The following ATP2B2 variants were observed in gnomAD, a reference collection of about 807,000 sequenced individuals.
ATP2B2 encodes the protein ATPase plasma membrane Ca2+ transporting 2.
A neutral mutation model predicts 120.0 loss-of-function variants in ATP2B2; 15 were observed. The ratio of observed to expected loss-of-function variants is 0.12; its 90% CI spans 0.08 to 0.19. The LOEUF (loss-of-function observed/expected upper bound fraction) is 0.19. Ranked by LOEUF, ATP2B2 falls within the 10% of genes least tolerant of loss-of-function variation. The probability of loss-of-function intolerance (pLI) is 1.00; values close to 1 mark genes in which losing one functional copy is unlikely to be tolerated. For synonymous variants in ATP2B2, 694 were observed against 700.3 expected (o/e 0.99, Z 0.14); for missense variants, 1,045 against 1,719.8 (o/e 0.61, Z 6.94).
At chr3:10,377,351 C>T (rs936368657) in intron 10 of ATP2B2, among the ~76,000 whole-genome samples, 1 of 152,168 alleles carries the variant, frequency 6.6e-6, no homozygotes, top group Admixed American at 6.5e-5. Flanking sequence ...CCCAGCTAGC[C>T]GGGAGCTGTC....
chr3:10,514,411 A>G (rs1289958878), intron 3 of ATP2B2, among the ~76,000 whole-genome samples: 3 of 152,164 alleles, frequency 2.0e-5, no homozygotes, highest in Non-Finnish European at 2.9e-5. Context: ...AGGGTGTCAT[A>G]TCTCCCACAT....
intron 3 of ATP2B2, among the ~76,000 whole-genome samples, chr3:10,532,513 C>T (rs1348300194): frequency 6.6e-6 from 1 of 152,232 alleles, no homozygotes; most frequent in East Asian, 1.9e-4. Context: ...ACCGCCTCTC[C>T]CTGAGGATGG....
At chr3:10,555,207 A>C (rs1355049296) in intron 2 of ATP2B2, among the ~76,000 whole-genome samples, 1 of 152,178 alleles carries the variant, frequency 6.6e-6, no homozygotes, top group Non-Finnish European at 1.5e-5. Context: ...CTGCTCTTAG[A>C]TTTCTCTCAG....
At chr3:10,662,162 G>T (rs2070800444) in intron 1 of ATP2B2, among the ~76,000 whole-genome samples, 1 of 152,034 alleles carries the variant, frequency 6.6e-6, no homozygotes, top group South Asian at 2.1e-4. Context: ...AGAAAACCTA[G>T]GCAGTACCAT....
chr3:10,496,988 C>T (rs1176071313), intron 1 of ATP2B2, among the ~76,000 whole-genome samples: 2 of 152,240 alleles, frequency 1.3e-5, no homozygotes, highest in Admixed American at 6.5e-5. Context: ...GTCAACTCTG[C>T]AGAAGCCACT....
chr3:10,653,250 A>AC (rs755420535), intron 1 of ATP2B2, among the ~76,000 whole-genome samples: 73 of 151,948 alleles, frequency 4.8e-4, no homozygotes, highest in Non-Finnish European at 8.5e-4. Context: ...GCCACCAATG[A>AC]CCCCCCTTTG....
At chr3:10,582,261 C>T (rs1298072688) in intron 2 of ATP2B2, among the ~76,000 whole-genome samples, 8 of 152,060 alleles carry the variant, frequency 5.3e-5, no homozygotes, top group South Asian at 2.1e-4. Context: ...TGAGGGTATC[C>T]GTGGCTGAGA....
intron 1 of ATP2B2, among the ~76,000 whole-genome samples, chr3:10,482,346 A>G (rs534294789): frequency 6.6e-6 from 1 of 152,214 alleles, no homozygotes; most frequent in Non-Finnish European, 1.5e-5. Context: ...CACACTCCAG[A>G]GGCCACACCC....
At chr3:10,394,136 A>C (rs553689819) in intron 5 of ATP2B2, among the ~76,000 whole-genome samples, 2 of 151,744 alleles carry the variant, frequency 1.3e-5, no homozygotes, top group Non-Finnish European at 2.9e-5. Context: ...GGATAGGGAG[A>C]GGGGAGAGTT....
At position 10,488,619 on chromosome 3, in the gene ATP2B2, G is replaced by C. The variant is rs796678364; in HGVS notation, c.-320+16846C>G. Reference sequence around the variant, plus strand: ...GGTTCTACCAGGTTCTAGACAATGCGCTAGGTTCTGGGGTCAACCCAACTC... The same window carrying C: ...GGTTCTACCAGGTTCTAGACAATGCCCTAGGTTCTGGGGTCAACCCAACTC... On this transcript the variant is annotated intron_variant, in intron 1 of 22. Coordinates refer to ENST00000360273, the MANE Select transcript of ATP2B2 (RefSeq NM_001001331.4). Among the ~76,000 whole-genome samples the C allele has an allele frequency of 4.6e-5, 7 of 151,736 alleles. 1 individual carries two copies. Among genetic ancestry groups the C allele is most frequent in the East Asian group, 1.9e-4 (1 of 5,150 alleles).
chr3:10,661,680 T>C (rs2070784497), intron 1 of ATP2B2, among the ~76,000 whole-genome samples: 1 of 152,186 alleles, frequency 6.6e-6, no homozygotes, highest in Non-Finnish European at 1.5e-5. Flanking sequence ...CTGCCGAAGG[T>C]AATTTATAGA....
intron 1 of ATP2B2, among the ~76,000 whole-genome samples, chr3:10,495,259 G>A (rs372805906): frequency 5.9e-5 from 9 of 152,194 alleles, no homozygotes; most frequent in African/African-American, 2.2e-4. Flanking sequence ...AGGGTTGGGG[G>A]AGGGGCTAAT....
At chr3:10,480,490 T>C (rs937818864) in intron 1 of ATP2B2, among the ~76,000 whole-genome samples, 6 of 152,052 alleles carry the variant, frequency 3.9e-5, no homozygotes, top group Non-Finnish European at 8.8e-5. Context: ...GAGACCTGAG[T>C]GTCTCTTCTG....
chr3:10,613,708 G>A (rs770055321), intron 2 of ATP2B2, among the ~76,000 whole-genome samples: 9 of 151,668 alleles, frequency 5.9e-5, no homozygotes, highest in Non-Finnish European at 7.4e-5. Flanking sequence ...TCTCTTACCC[G>A]GATAATGGTA....
At chr3:10,512,464 G>GCACGCA (rs2066784128) in intron 3 of ATP2B2, among the ~76,000 whole-genome samples, 2 of 137,026 alleles carry the variant, frequency 1.5e-5, no homozygotes, top group Middle Eastern at 3.8e-3. Context: ...AAGTGTGTGC[G>GCACGCA]CACACACACA....
intron 2 of ATP2B2, among the ~76,000 whole-genome samples, chr3:10,617,839 G>A (rs76026567): frequency 0.016 from 2,418 of 152,280 alleles, 58 homozygotes; most frequent in African/African-American, 0.054. Context: ...TGTGCCCCAA[G>A]GGAGCACGAG....
intron 1 of ATP2B2, among the ~76,000 whole-genome samples, chr3:10,463,207 C>A (rs535409282): frequency 6.6e-6 from 1 of 152,148 alleles, no homozygotes; most frequent in Admixed American, 6.5e-5. Context: ...CCACCCACTG[C>A]CTTGGGGTGG....
At position 10,595,228 on chromosome 3, in the gene ATP2B2, T is replaced by G. The variant is rs1314851917; in HGVS notation, c.-415+24689A>C. Among the ~76,000 whole-genome samples, 5 of 152,198 alleles carry G rather than the reference T, an allele frequency of 3.3e-5. No homozygotes were observed. The East Asian group carries it at 9.6e-4, about 29-fold the overall frequency. ...GCATCTGCTGCTGTAAGTGGGCCTT[T>G]AGTTACAGGACACTGTCAGATGTCT... is the stretch of plus-strand genomic sequence containing the variant. On this transcript the variant is annotated intron_variant, in intron 2 of 21. Coordinates refer to the ATP2B2 transcript ENST00000646379.
chr3:10,681,286 C>T (rs1482214166), intron 1 of ATP2B2, among the ~76,000 whole-genome samples: 1 of 152,254 alleles, frequency 6.6e-6, no homozygotes, highest in Non-Finnish European at 1.5e-5. Context: ...CCCCCAGCAG[C>T]TCCACGCTTG....
Sources: gnomAD v4.1 joint callset for allele counts (sites outside exome capture counted in the v4.1 genomes callset) on GRCh38, gnomAD v4.1.1 for gene constraint, MANE v1.5 for transcripts, NCBI Gene and HGNC (gene_info 2026-07-23, HGNC 2026-07-21) for gene names.